RORA: variants seen among roughly 807,000 people sequenced by gnomAD.
RORA encodes nuclear receptor ROR-alpha.
RORA carries 7 observed loss-of-function variants against 69.5 expected under a neutral mutation model. The ratio of observed to expected loss-of-function variants is 0.10; its 90% CI spans 0.06 to 0.19. RORA has a LOEUF of 0.19. Ranked by LOEUF, RORA falls within the 10% of genes least tolerant of loss-of-function variation. The pLI, the probability that RORA is intolerant of heterozygous loss-of-function variation, is 1.00. For synonymous variants in RORA, 261 were observed against 240.8 expected, an observed-to-expected ratio of 1.08 and a Z score of -0.78; for missense variants, 457 against 663.0, an observed-to-expected ratio of 0.69 and a Z score of 3.41.
chr15:60,713,366 G>A (rs1460786352), intron 1 of RORA, among the ~76,000 whole-genome samples: 1 of 152,054 alleles, frequency 6.6e-6, no homozygotes, highest in East Asian at 1.9e-4. Context: ...CCTTTTATCA[G>A]TTTGGCAAAA....
intron 1 of RORA, among the ~76,000 whole-genome samples, chr15:60,763,495 C>CT (rs1217143205): frequency 6.6e-6 from 1 of 152,138 alleles, no homozygotes; most frequent in Non-Finnish European, 1.5e-5. Context: ...ATGTTAAACT[C>CT]TTGACGAGAT....
At chr15:60,879,477 A>G (rs1169542732) in intron 1 of RORA, among the ~76,000 whole-genome samples, 2 of 152,324 alleles carry the variant, frequency 1.3e-5, no homozygotes, top group South Asian at 2.1e-4. Context: ...AGTGTTACTT[A>G]GAGAAGGGAA....
At chr15:60,819,771 A>ACACACACACACACACGCG (rs2072868646) in intron 1 of RORA, among the ~76,000 whole-genome samples, 1 of 151,170 alleles carries the variant, frequency 6.6e-6, no homozygotes, top group African/African-American at 2.4e-5. Flanking sequence ...ACACACACAC[A>ACACACACACACACACGCG]CACACACACA....
intron 3 of RORA, among the ~76,000 whole-genome samples, chr15:60,518,043 A>C (rs1230202699): frequency 6.6e-6 from 1 of 151,952 alleles, no homozygotes. Context: ...TTCTTTTTTA[A>C]AACTGAGGCA....
At chr15:61,021,339 C>T (rs1024152306) in intron 1 of RORA, among the ~76,000 whole-genome samples, 11 of 152,158 alleles carry the variant, frequency 7.2e-5, no homozygotes, top group South Asian at 2.1e-4. Flanking sequence ...CTAAATACAC[C>T]GTCAGTATCA....
intron 1 of RORA, among the ~76,000 whole-genome samples, chr15:60,888,124 A>G (rs976189428): frequency 6.6e-6 from 1 of 152,206 alleles, no homozygotes; most frequent in Admixed American, 6.5e-5. Flanking sequence ...TGCCTCATAC[A>G]TACCCGGCCA....
At chr15:60,785,715 C>T (rs1000711984) in intron 1 of RORA, among the ~76,000 whole-genome samples, 1 of 152,238 alleles carries the variant, frequency 6.6e-6, no homozygotes, top group South Asian at 2.1e-4. Context: ...CTTTGCATAT[C>T]ACACTCCCTT....
intron 5 of RORA, among the ~76,000 whole-genome samples, chr15:60,509,982 A>T (rs2065643649): frequency 6.6e-6 from 1 of 152,212 alleles, no homozygotes; most frequent in African/African-American, 2.4e-5. Flanking sequence ...AAAACCGTAA[A>T]GAACATTCAA....
At chr15:60,542,611 TCACA>T (rs535463879) in intron 2 of RORA, among the ~76,000 whole-genome samples, 1 of 90,040 alleles carries the variant, frequency 1.1e-5, no homozygotes, top group Non-Finnish European at 2.1e-5. Flanking sequence ...CATGCACACC[TCACA>T]CACGGCACAC....
At chr15:60,912,715 C>T (rs1283890129) in intron 1 of RORA, among the ~76,000 whole-genome samples, 1 of 151,932 alleles carries the variant, frequency 6.6e-6, no homozygotes, top group Non-Finnish European at 1.5e-5. Context: ...GATCGTGCCA[C>T]TGCACTCCAG....
At chr15:60,777,952 C>T (rs1269276297) in intron 1 of RORA, among the ~76,000 whole-genome samples, 2 of 152,214 alleles carry the variant, frequency 1.3e-5, no homozygotes, top group Non-Finnish European at 2.9e-5. Context: ...CTCTTGCATC[C>T]TTGAATATCG....
intron 1 of RORA, among the ~76,000 whole-genome samples, chr15:61,184,296 G>C (rs1001453269): frequency 2.6e-5 from 4 of 152,134 alleles, no homozygotes; most frequent in Admixed American, 2.6e-4. Flanking sequence ...TCTTTGCCTA[G>C]ACTGCTCTTC....
At chr15:60,842,186 G>A (rs934370986) in intron 1 of RORA, among the ~76,000 whole-genome samples, 7 of 151,944 alleles carry the variant, frequency 4.6e-5, no homozygotes, top group Non-Finnish European at 2.9e-5. Flanking sequence ...CACTTTGCTT[G>A]GATACTGACA....
chr15:60,960,493 C>A (rs918895324), intron 1 of RORA, among the ~76,000 whole-genome samples: 1 of 152,120 alleles, frequency 6.6e-6, no homozygotes, highest in Non-Finnish European at 1.5e-5. Flanking sequence ...AGTCTTTGGC[C>A]TACTGGAATG....
chr15:60,751,568 G>GT (rs2071724001), intron 1 of RORA, among the ~76,000 whole-genome samples: 1 of 152,138 alleles, frequency 6.6e-6, no homozygotes, highest in African/African-American at 2.4e-5. Flanking sequence ...AAAGAGATAA[G>GT]TACCTTGACC....
intron 3 of RORA, among the ~76,000 whole-genome samples, chr15:60,524,362 T>C (rs184125244): frequency 6.6e-6 from 1 of 152,314 alleles, no homozygotes; most frequent in East Asian, 1.9e-4. Flanking sequence ...GATGAGCCCT[T>C]AATGGCTCCC....
chr15:61,219,920 T>C (rs1423189457), intron 1 of RORA, among the ~76,000 whole-genome samples: 1 of 152,200 alleles, frequency 6.6e-6, no homozygotes, highest in African/African-American at 2.4e-5. Context: ...CCTTTCAGTG[T>C]AGCTTCAGTT....
chr15:60,967,756 C>G (rs986247581), intron 1 of RORA, among the ~76,000 whole-genome samples: 1 of 152,174 alleles, frequency 6.6e-6, no homozygotes, highest in South Asian at 2.1e-4. Flanking sequence ...GAAGGCAGAT[C>G]AGTAAGTCAG....
intron 4 of RORA, among the ~76,000 whole-genome samples, chr15:60,513,553 G>C (rs1414066551): frequency 6.6e-6 from 1 of 152,180 alleles, no homozygotes; most frequent in Non-Finnish European, 1.5e-5. Flanking sequence ...AAATTGATGA[G>C]ATATACCTAA....
Sources: allele counts gnomAD v4.1 joint callset (sites outside exome capture counted in the v4.1 genomes callset), GRCh38; gene constraint gnomAD v4.1.1; transcripts MANE v1.5; gene names NCBI Gene and HGNC (gene_info 2026-07-23, HGNC 2026-07-21).